Variants in ZFYVE26 observed in about 807,000 individuals in gnomAD.
ZFYVE26 encodes zinc finger FYVE domain-containing protein 26.
Under a neutral mutation model 276.5 loss-of-function variants are expected in ZFYVE26, and 181 were observed. The observed-to-expected ratio is 0.65, with a 90% CI of 0.58 to 0.74. The LOEUF (loss-of-function observed/expected upper bound fraction) is 0.74, where lower values mean the gene tolerates loss of function less well. Among genes scored for constraint, ZFYVE26 ranks in the 30% least tolerant of loss-of-function variants. ZFYVE26 has a pLI of 0.00. For missense variants in ZFYVE26, 2,821 were observed against 3,097.9 expected (o/e 0.91, Z 2.12); for synonymous variants, 1,129 against 1,203.1 (o/e 0.94, Z 1.27).
intron 27 of ZFYVE26, 134 bp from the exon 28 acceptor site, chr14:67,772,344 C>A: frequency 9.5e-7 from 1 of 1,049,216 alleles, no homozygotes; most frequent in Middle Eastern, 2.9e-4. Context: ...TCATCAGTGA[C>A]TGTTTGTGTC....
intron 4 of ZFYVE26, 43 bp from the exon 5 acceptor site, chr14:67,807,963 G>A (rs747730683): frequency 2.0e-5 from 32 of 1,610,394 alleles, no homozygotes; most frequent in Admixed American, 8.3e-5. Flanking sequence ...GGGCATGCCT[G>A]GAATGGTATC....
chr14:67,810,757 T>C (rs1291825279), intron 3 of ZFYVE26, among the ~76,000 whole-genome samples: 1 of 152,182 alleles, frequency 6.6e-6, no homozygotes, highest in African/African-American at 2.4e-5. Flanking sequence ...CTGAGACTTA[T>C]CCTGACAAAC....
Position 67,748,157 on chromosome 14 carries a change from C to T in ZFYVE26, c.*279G>A. ...AAACATCAGCGCACAGGAACATGCA[C>T]ACGTGTGTGCACACATACTCACTCA... On this transcript the variant is annotated 3_prime_UTR_variant, in exon 42 of 42. Coordinates refer to ENST00000347230, the MANE Select transcript of ZFYVE26 (RefSeq NM_015346.4). 5.9e-6 allele frequency: 3 copies of T among 509,950 alleles called. No individual in the cohort carries two copies. The South Asian group carries it at 7.1e-5, about 12-fold the overall frequency. The allele number at this position is 509,950 out of a possible 1,614,324, so 31.6% of individuals were successfully genotyped here. A position where few individuals can be genotyped will look rare whatever the true frequency, so the allele number is the denominator to read the frequency against.
rs141369687 is a variant in ZFYVE26 at position 67,729,547 on chromosome 14, C to T, written n.2952G>A. On this transcript the variant is annotated non_coding_transcript_exon_variant, in exon 14 of 15. Coordinates refer to the ZFYVE26 transcript ENST00000394455. ...TGCTTTGTTAAGGAAACTTACAGTA[C>T]AAACTTATGTGTTGGGAAGAGTTGC... 9.9e-3 allele frequency: 6,967 copies of T among 703,854 alleles called. 63 individuals carry two copies. Among genetic ancestry groups the T allele is most frequent in the Middle Eastern group, 0.022 (60 of 2,706 alleles). 43.6% of individuals were successfully genotyped at this position (703,854 alleles called of 1,614,324 possible). A position where few individuals can be genotyped will look rare whatever the true frequency, so the allele number is the denominator to read the frequency against.
chr14:67,738,872 C>T (rs532518490), intron 13 of ZFYVE26, among the ~76,000 whole-genome samples: 63 of 152,280 alleles, frequency 4.1e-4, no homozygotes, highest in African/African-American at 1.5e-3. Context: ...ATTAACTGAT[C>T]GCAGTTGTTC....
At position 67,748,468 on chromosome 14, in the gene ZFYVE26, G is replaced by T. The variant is rs574871334; in HGVS notation, c.7588C>A (p.Arg2530=). Residue 2530 remains arginine, a synonymous_variant, in exon 42 of 42, where the codon CGG becomes AGG. Transcript: ENST00000347230. ...CTGGAGCCTGGGCCATGGGCACCCC[G>T]GGGGTGGCTTGTCAGAAGCCACTGG... ...CAQWLLTSHP[R]GAHGPGSRK is the part of the protein sequence containing the mutation. 2 of 1,612,770 alleles carry T rather than the reference G, an allele frequency of 1.2e-6. No homozygotes were observed. Among genetic ancestry groups the T allele is most frequent in the Non-Finnish European group, 1.7e-6 (2 of 1,179,870 alleles).
downstream of ZFYVE26, among the ~76,000 whole-genome samples, chr14:67,742,012 G>A (rs947470607): frequency 2.0e-5 from 3 of 152,210 alleles, no homozygotes; most frequent in African/African-American, 2.4e-5. Context: ...CGCCCACGGA[G>A]CGGTCCATCT....
chr14:67,760,176 C>T (rs556862322), intron 35 of ZFYVE26, among the ~76,000 whole-genome samples: 2 of 152,324 alleles, frequency 1.3e-5, no homozygotes, highest in East Asian at 1.9e-4. Context: ...AGGTGATTTC[C>T]ATTCCCAATT....
intron 2 of ZFYVE26, 81 bp downstream of exon 2, chr14:67,815,689 G>T: frequency 7.3e-7 from 1 of 1,366,556 alleles, no homozygotes; most frequent in Admixed American, 1.7e-5. Context: ...TAGTTGAGTG[G>T]GGGCACATTG....
At position 67,769,817 on chromosome 14, in the gene ZFYVE26, A is replaced by G. The variant is rs1329035881; in HGVS notation, c.5485-87T>C. ...CCATTTATACATGGTATTAACTACCAGTGGCTTATACTTTCTAAGAACACC... is the reference window on the plus strand; with the variant it reads ...CCATTTATACATGGTATTAACTACCGGTGGCTTATACTTTCTAAGAACACC... On this transcript the variant is annotated intron_variant, in intron 28 of 41. Transcript: ENST00000347230. The G allele has an allele frequency of 1.7e-5, 27 of 1,572,280 alleles. No individual in the cohort carries two copies. In the East Asian group the frequency reaches 6.0e-4, roughly 35 times the overall value.
intron 31 of ZFYVE26, 44 bp from the exon 32 acceptor site, chr14:67,766,491 G>A: frequency 6.3e-7 from 1 of 1,583,072 alleles, no homozygotes; most frequent in Middle Eastern, 2.3e-4. Flanking sequence ...GAGTCCAGGG[G>A]CCAGAGCATT....
At chr14:67,782,312 G>A (rs28375855) in intron 21 of ZFYVE26, among the ~76,000 whole-genome samples, 1,579 of 152,312 alleles carry the variant, frequency 0.01, 36 homozygotes, top group African/African-American at 0.037. Context: ...TTATTAGACT[G>A]TAGCCATGCT....
chr14:67,794,197 C>T lies in ZFYVE26; in HGVS notation c.2375G>A (p.Ser792Asn), dbSNP rs757099331. The T allele has an allele frequency of 8.1e-6, 13 of 1,614,098 alleles. No homozygotes were observed. The highest frequency in any genetic ancestry group is 1.6e-4 in the Middle Eastern group (1 of 6,082). Residue 792 changes from serine to asparagine, a missense_variant, in exon 13 of 42, where the codon AGT becomes AAT. By Grantham distance (46) the Ser-to-Asn change is conservative. Transcript: ENST00000347230. ...RGSNPSLESTSSELSTSTSEG... is the reference protein window; with the variant it reads ...RGSNPSLESTNSELSTSTSEG... The stretch of plus-strand genomic sequence containing the variant: ...TGACGTACTTGTGCTCAGCTCACTA[C>T]TTGTACTTTCCAGGGATGGGTTTGA...
chr14:67,780,371 A>C, intron 22 of ZFYVE26, 26 bp from the exon 23 acceptor site: 1 of 1,592,698 alleles, frequency 6.3e-7, no homozygotes, highest in Non-Finnish European at 8.6e-7. Flanking sequence ...AAAATCCGTC[A>C]AACCACACTG....
At position 67,776,017 on chromosome 14, in the gene ZFYVE26, G is replaced by A. The variant is rs886050655; in HGVS notation, c.5064C>T (p.Asn1688=). 6.2e-7 allele frequency: 1 copy of A among 1,614,246 alleles called. No individual in the cohort carries two copies. Among genetic ancestry groups the A allele is most frequent in the Non-Finnish European group, 8.5e-7 (1 of 1,180,046 alleles). ...CCACAGTGGCCCAATCCACCTTCAT[G>A]TTCATAAGCAGCTGCTCCAGCATGA... is the stretch of plus-strand genomic sequence containing the variant. ...PLFMLEQLLM[N]MKVDWATVAV... is the part of the protein sequence containing the mutation. Residue 1688 remains asparagine, a synonymous_variant, in exon 26 of 42, where the codon AAC becomes AAT. Transcript: ENST00000347230.
rs1332249064 is a variant in ZFYVE26 at position 67,805,206 on chromosome 14, C to T, written c.1271+11G>A. Reference sequence around the variant, plus strand: ...CTGTGGTGGGCAGGCGCTGACTGCACAGGGCCATACCTGCTCTGCTGTATG... The same window carrying T: ...CTGTGGTGGGCAGGCGCTGACTGCATAGGGCCATACCTGCTCTGCTGTATG... On this transcript the variant is annotated intron_variant, in intron 8 of 41. Coordinates refer to ENST00000347230, the MANE Select transcript of ZFYVE26 (RefSeq NM_015346.4). 6.2e-7 allele frequency: 1 copy of T among 1,613,226 alleles called. No homozygotes were observed. Among genetic ancestry groups the T allele is most frequent in the Non-Finnish European group, 8.5e-7 (1 of 1,179,722 alleles).
chr14:67,797,552 G>A lies in ZFYVE26; in HGVS notation c.2332+120C>T, dbSNP rs1019075660. On this transcript the variant is annotated intron_variant, in intron 12 of 41. Transcript: ENST00000347230. The stretch of plus-strand genomic sequence containing the variant: ...TAACAAGGGTTACCTTGAGGGAGTG[G>A]GAATAGGATAATTTTACAACGCTTT... The A allele has an allele frequency of 3.6e-6, 4 of 1,116,608 alleles. No homozygotes were observed. In the East Asian group the frequency reaches 7.6e-5, roughly 21 times the overall value. 69.2% of individuals were successfully genotyped at this position (1,116,608 alleles called of 1,614,324 possible).
intron 2 of ZFYVE26, among the ~76,000 whole-genome samples, chr14:67,814,298 C>T (rs1414206668): frequency 6.6e-6 from 1 of 152,156 alleles, no homozygotes; most frequent in Non-Finnish European, 1.5e-5. Flanking sequence ...GTGGGTGGAT[C>T]ACCTGTGGTC....
In ZFYVE26 at chr14:67,805,504, G is replaced by C; in HGVS notation, c.1132C>G (p.Gln378Glu). 6.2e-7 allele frequency: 1 copy of C among 1,614,206 alleles called. No homozygotes were observed. The highest frequency in any genetic ancestry group is 8.5e-7 in the Non-Finnish European group (1 of 1,180,030). Residue 378 changes from glutamine to glutamate, a missense_variant, in exon 7 of 42, where the codon CAG becomes GAG. By Grantham distance (29) the Gln-to-Glu change is conservative (BLOSUM62 2). Coordinates refer to ENST00000347230, the MANE Select transcript of ZFYVE26 (RefSeq NM_015346.4). ...LLVLLGWTHC[Q>E]SLESAKRLLQ... ...AGCCTCTTGGCTGACTCTAGGCTCT[G>C]GCAGTGTGTCCAGCCCAGGAGTACA... is the stretch of plus-strand genomic sequence containing the variant.
Sources: gnomAD v4.1 joint callset for allele counts (sites outside exome capture counted in the v4.1 genomes callset) on GRCh38, gnomAD v4.1.1 for gene constraint, MANE v1.5 for transcripts, NCBI Gene and HGNC (gene_info 2026-07-23, HGNC 2026-07-21) for gene names.